CLSTN2: variants seen among roughly 807,000 people sequenced by gnomAD.
The protein encoded by CLSTN2 is calsyntenin-2.
A neutral mutation model predicts 101.2 loss-of-function variants in CLSTN2; 48 were observed. The ratio of observed to expected loss-of-function variants is 0.47; its 90% CI spans 0.38 to 0.60. The LOEUF (loss-of-function observed/expected upper bound fraction) is 0.60, where lower values mean the gene tolerates loss of function less well. Among genes scored for constraint, CLSTN2 ranks in the 20% least tolerant of loss-of-function variants. CLSTN2 has a pLI of 0.00. For missense variants in CLSTN2, 1,160 were observed against 1,238.2 expected (o/e 0.94, Z 0.95); for synonymous variants, 481 against 463.6 (o/e 1.04, Z -0.48).
At chr3:140,554,913 G>GA (rs907109269) in intron 10 of CLSTN2, among the ~76,000 whole-genome samples, 1 of 151,932 alleles carries the variant, frequency 6.6e-6, no homozygotes, top group Non-Finnish European at 1.5e-5. Context: ...ATATAAGAAA[G>GA]AAAAAAATGG....
At chr3:140,157,613 T>C (rs997123984) in intron 1 of CLSTN2, among the ~76,000 whole-genome samples, 4 of 152,224 alleles carry the variant, frequency 2.6e-5, no homozygotes, top group African/African-American at 9.6e-5. Context: ...TGTACTTATT[T>C]GGATATTCTT....
At chr3:140,402,707 G>A (rs1204852015) in intron 2 of CLSTN2, among the ~76,000 whole-genome samples, 1 of 152,170 alleles carries the variant, frequency 6.6e-6, no homozygotes, top group African/African-American at 2.4e-5. Flanking sequence ...GTCAGACCAG[G>A]GCTGGAGCAT....
intron 1 of CLSTN2, among the ~76,000 whole-genome samples, chr3:140,067,039 G>A (rs922832020): frequency 6.6e-6 from 1 of 152,198 alleles, no homozygotes; most frequent in African/African-American, 2.4e-5. Context: ...CATCCAGTCT[G>A]TGTGATCTCA....
At chr3:140,203,400 A>T (rs1388394037) in intron 2 of CLSTN2, among the ~76,000 whole-genome samples, 1 of 151,744 alleles carries the variant, frequency 6.6e-6, no homozygotes, top group Non-Finnish European at 1.5e-5. Context: ...CATTACTGCA[A>T]AGGATAACAA....
In CLSTN2 at chr3:140,571,904, C is replaced by G. The variant is rs1985565072; in HGVS notation, c.*5651C>G. On this transcript the variant is annotated 3_prime_UTR_variant, in exon 17 of 17. Transcript: ENST00000458420. ...CACCCCAGAAAGCTGACAGATATTC[C>G]CTGTATGCAGGTAGTAAACAGATGG... 6.6e-6 allele frequency: 1 copy of G among 152,290 alleles called. No homozygotes were observed. Among genetic ancestry groups the G allele is most frequent in the African/African-American group, 2.4e-5 (1 of 41,444 alleles). 9.4% of individuals were successfully genotyped at this position (152,290 alleles called of 1,614,324 possible).
intron 2 of CLSTN2, among the ~76,000 whole-genome samples, chr3:140,252,805 A>G (rs1436073638): frequency 1.3e-5 from 2 of 152,182 alleles, no homozygotes; most frequent in Non-Finnish European, 2.9e-5. Flanking sequence ...ACGTTCTTCA[A>G]GGAAAGTAGC....
intron 5 of CLSTN2, among the ~76,000 whole-genome samples, chr3:140,424,847 A>T (rs115676394): frequency 1.1e-4 from 16 of 151,960 alleles, no homozygotes; most frequent in Non-Finnish European, 2.2e-4. Flanking sequence ...GACTGGAGAG[A>T]TGTGGAAAGC....
intron 2 of CLSTN2, among the ~76,000 whole-genome samples, chr3:140,192,722 A>G (rs1245779513): frequency 6.6e-6 from 1 of 151,574 alleles, no homozygotes; most frequent in South Asian, 2.1e-4. Context: ...TGTTAGCAGC[A>G]TGTTGGGTCA....
chr3:140,283,037 G>A (rs759683100), intron 2 of CLSTN2, among the ~76,000 whole-genome samples: 22 of 152,094 alleles, frequency 1.4e-4, no homozygotes, highest in Admixed American at 7.9e-4. Context: ...CATGGAGCTG[G>A]GAATGAGGTA....
chr3:140,461,811 C>A (rs1248092470), intron 7 of CLSTN2, among the ~76,000 whole-genome samples: 1 of 152,092 alleles, frequency 6.6e-6, no homozygotes, highest in African/African-American at 2.4e-5. Context: ...GCACCCCAAG[C>A]AGCACCCAGT....
intron 1 of CLSTN2, among the ~76,000 whole-genome samples, chr3:140,131,862 G>A (rs765211697): frequency 1.1e-4 from 17 of 152,024 alleles, no homozygotes; most frequent in South Asian, 4.2e-4. Context: ...CACCGAGAGC[G>A]GGCTAAAACT....
intron 8 of CLSTN2, among the ~76,000 whole-genome samples, chr3:140,527,748 TTAAA>T (rs1935174703): frequency 6.6e-6 from 1 of 152,150 alleles, no homozygotes; most frequent in African/African-American, 2.4e-5. Context: ...TAAGAAAGAA[TTAAA>T]TCATGTCCTT....
intron 5 of CLSTN2, among the ~76,000 whole-genome samples, chr3:140,436,843 C>A (rs1221139588): frequency 6.6e-6 from 1 of 152,164 alleles, no homozygotes; most frequent in Admixed American, 6.5e-5. Flanking sequence ...CAGTTTAAGA[C>A]AAGCTTTATT....
intron 1 of CLSTN2, among the ~76,000 whole-genome samples, chr3:140,075,081 T>G (rs2008463768): frequency 6.6e-6 from 1 of 152,232 alleles, no homozygotes; most frequent in African/African-American, 2.4e-5. Context: ...AGTTATTTGC[T>G]CCTTTCTTTT....
intron 5 of CLSTN2, among the ~76,000 whole-genome samples, chr3:140,421,797 T>G (rs1298184991): frequency 1.3e-5 from 2 of 152,240 alleles, no homozygotes; most frequent in East Asian, 3.9e-4. Context: ...TGGAGGTGGA[T>G]TTTTGTGTCA....
chr3:140,410,277 C>T (rs1450062704), intron 4 of CLSTN2, among the ~76,000 whole-genome samples: 5 of 151,588 alleles, frequency 3.3e-5, no homozygotes, highest in South Asian at 4.2e-4. Context: ...AAAGACACAG[C>T]GAATTTTGAA....
chr3:140,201,810 ATGTGTGTGTGTATG>A (rs1472551533), intron 2 of CLSTN2, among the ~76,000 whole-genome samples: 1 of 151,616 alleles, frequency 6.6e-6, no homozygotes, highest in Non-Finnish European at 1.5e-5. Context: ...ACACATGTAT[ATGTGTGTGTGTATG>A]TGTGTGTGTG....
intron 2 of CLSTN2, among the ~76,000 whole-genome samples, chr3:140,264,173 C>T (rs2086676049): frequency 6.6e-6 from 1 of 151,728 alleles, no homozygotes; most frequent in Non-Finnish European, 1.5e-5. Context: ...CTATTTAGTG[C>T]CACATGTTTT....
At position 140,563,145 on chromosome 3, in the gene CLSTN2, T is replaced by G; in HGVS notation, c.2424T>G (p.Pro808=). 1 of 1,614,118 alleles carries G rather than the reference T, an allele frequency of 6.2e-7. No individual in the cohort carries two copies. The highest frequency in any genetic ancestry group is 8.5e-7 in the Non-Finnish European group (1 of 1,179,980). Residue 808 remains proline, a synonymous_variant, in exon 15 of 17, where the codon CCT becomes CCG. Coordinates refer to ENST00000458420, the MANE Select transcript of CLSTN2 (RefSeq NM_022131.3). ...KEHVNHLIVQ[P]PFLQSVHHPE... is the part of the protein sequence containing the mutation. ...ATGTCAATCATCTGATTGTGCAGCCTCCCTTCCTCCAGTCTGTCCATCATC... is the reference window on the plus strand; with the variant it reads ...ATGTCAATCATCTGATTGTGCAGCCGCCCTTCCTCCAGTCTGTCCATCATC...
Sources: gnomAD v4.1 joint callset for allele counts (sites outside exome capture counted in the v4.1 genomes callset) on GRCh38, gnomAD v4.1.1 for gene constraint, MANE v1.5 for transcripts, NCBI Gene and HGNC (gene_info 2026-07-23, HGNC 2026-07-21) for gene names.